Variants in CTNNA2 observed in about 807,000 individuals in gnomAD.
CTNNA2 encodes the protein catenin alpha-2.
In CTNNA2, 42 loss-of-function variants were observed where a neutral mutation model predicts 101.0. That is an observed-to-expected ratio of 0.42 (90% confidence interval 0.32 to 0.54). The LOEUF (loss-of-function observed/expected upper bound fraction) is 0.54, where lower values mean the gene tolerates loss of function less well. Among genes scored for constraint, CTNNA2 ranks in the 20% least tolerant of loss-of-function variants. The pLI, the probability that CTNNA2 is intolerant of heterozygous loss-of-function variation, is 0.14. For missense variants in CTNNA2, 871 were observed against 1,223.1 expected (o/e 0.71, Z 4.29); for synonymous variants, 450 against 456.4 (o/e 0.99, Z 0.18).
At chr2:80,642,728 G>T (rs1373430992) in intron 18 of CTNNA2, among the ~76,000 whole-genome samples, 2 of 152,192 alleles carry the variant, frequency 1.3e-5, no homozygotes, top group African/African-American at 4.8e-5. Flanking sequence ...GAAATATTCA[G>T]TTGATAACAT....
chr2:79,536,821 C>T (rs559909923), intron 1 of CTNNA2, among the ~76,000 whole-genome samples: 2 of 152,172 alleles, frequency 1.3e-5, no homozygotes, highest in Admixed American at 1.3e-4. Context: ...CCTGCCTCAG[C>T]CTCCCGAGTA....
At chr2:79,327,901 C>A (rs1676782631) in intron 3 of CTNNA2, among the ~76,000 whole-genome samples, 1 of 152,082 alleles carries the variant, frequency 6.6e-6, no homozygotes, top group African/African-American at 2.4e-5. Context: ...TCTGTGAAAT[C>A]AGAAGACTAG....
intron 7 of CTNNA2, among the ~76,000 whole-genome samples, chr2:80,024,686 G>C (rs1484020327): frequency 3.3e-5 from 5 of 152,176 alleles, no homozygotes; most frequent in Non-Finnish European, 7.4e-5. Context: ...GTGTTGCAAT[G>C]CTCTTTTAGC....
At position 80,057,209 on chromosome 2, in the gene CTNNA2, ACT is replaced by A. The variant is rs1457148659; in HGVS notation, c.1056+147415_1056+147416del. Among the ~76,000 whole-genome samples, 16 of 151,110 alleles carry A rather than the reference ACT, an allele frequency of 1.1e-4. No individual in the cohort carries two copies. The East Asian group carries it at 2.9e-3, about 28-fold the overall frequency. On this transcript the variant is annotated intron_variant, in intron 7 of 18. Coordinates refer to ENST00000402739, the MANE Select transcript of CTNNA2 (RefSeq NM_001282597.3). ...TTTTTTTAAGGAAGACTGAGACATAACTCTGTAGATTCAAGATTAGACCTCCC... is the reference window on the plus strand; with the variant it reads ...TTTTTTTAAGGAAGACTGAGACATAACTGTAGATTCAAGATTAGACCTCCC...
At chr2:79,837,682 T>A (rs995669527) in intron 3 of CTNNA2, among the ~76,000 whole-genome samples, 1 of 152,128 alleles carries the variant, frequency 6.6e-6, no homozygotes, top group Non-Finnish European at 1.5e-5. Flanking sequence ...ATTGTTATCT[T>A]TTTACTCCCT....
At chr2:79,779,274 G>A (rs1034013235) in intron 3 of CTNNA2, among the ~76,000 whole-genome samples, 2 of 152,136 alleles carry the variant, frequency 1.3e-5, no homozygotes, top group African/African-American at 2.4e-5. Flanking sequence ...GAAGCCTCCT[G>A]GAGTATCCAA....
chr2:80,213,861 T>A lies in CTNNA2; in HGVS notation c.1057-179350T>A, dbSNP rs535141715. 1.7e-3 allele frequency among the ~76,000 whole-genome samples: 258 copies of A among 152,250 alleles called. No homozygotes were observed. The Middle Eastern group carries it at 0.02, about 12-fold the overall frequency. On this transcript the variant is annotated intron_variant, in intron 7 of 18. Coordinates refer to ENST00000402739, the MANE Select transcript of CTNNA2 (RefSeq NM_001282597.3). The stretch of plus-strand genomic sequence containing the variant: ...TATGTGGGAGTCTAAGTCTCTTTGT[T>A]GGTCTCTAAGGACTTGCTTTATGAA...
chr2:79,884,709 T>G (rs1683706951), intron 6 of CTNNA2, among the ~76,000 whole-genome samples: 1 of 152,074 alleles, frequency 6.6e-6, no homozygotes, highest in Admixed American at 6.6e-5. Flanking sequence ...TGCCTTTACC[T>G]TCTTACATTT....
intron 4 of CTNNA2, among the ~76,000 whole-genome samples, chr2:79,482,339 A>G (rs546110660): frequency 6.6e-6 from 1 of 152,194 alleles, no homozygotes; most frequent in African/African-American, 2.4e-5. Flanking sequence ...GCACACAGGG[A>G]TGAAGGGTGC....
At chr2:80,274,276 C>T (rs1288444051) in intron 7 of CTNNA2, among the ~76,000 whole-genome samples, 1 of 152,142 alleles carries the variant, frequency 6.6e-6, no homozygotes, top group Non-Finnish European at 1.5e-5. Context: ...ATAATTCAGC[C>T]AGAGACTGTC....
intron 4 of CTNNA2, among the ~76,000 whole-genome samples, chr2:79,406,082 A>C (rs1390559035): frequency 6.6e-6 from 1 of 152,104 alleles, no homozygotes; most frequent in African/African-American, 2.4e-5. Context: ...GGTTAAGTTC[A>C]ACATGCTGCA....
chr2:80,323,837 A>G (rs1166878343), intron 7 of CTNNA2, among the ~76,000 whole-genome samples: 4 of 152,172 alleles, frequency 2.6e-5, no homozygotes, highest in Admixed American at 6.5e-5. Context: ...GTGGAGCAGG[A>G]TATTCCACCC....
chr2:79,965,566 G>C (rs778266256), intron 7 of CTNNA2, among the ~76,000 whole-genome samples: 37 of 152,188 alleles, frequency 2.4e-4, no homozygotes, highest in Admixed American at 5.2e-4. Context: ...GTTCACACCT[G>C]TAATCCCAGC....
chr2:79,859,981 G>A (rs1681463462), intron 4 of CTNNA2, among the ~76,000 whole-genome samples: 1 of 152,184 alleles, frequency 6.6e-6, no homozygotes, highest in South Asian at 2.1e-4. Context: ...GGCACAAAGT[G>A]AGTGTCCTGT....
At chr2:79,314,330 A>G (rs1317348000) in intron 3 of CTNNA2, among the ~76,000 whole-genome samples, 1 of 152,194 alleles carries the variant, frequency 6.6e-6, no homozygotes, top group Non-Finnish European at 1.5e-5. Flanking sequence ...TTGCCACACA[A>G]ACAGGACTGT....
At chr2:80,413,065 A>G (rs558571307) in intron 8 of CTNNA2, among the ~76,000 whole-genome samples, 68 of 152,310 alleles carry the variant, frequency 4.5e-4, no homozygotes, top group African/African-American at 1.6e-3. Flanking sequence ...CAAATCTACT[A>G]TAATTATCTA....
intron 3 of CTNNA2, among the ~76,000 whole-genome samples, chr2:79,800,669 G>C (rs776631951): frequency 6.2e-4 from 95 of 152,168 alleles, no homozygotes; most frequent in South Asian, 1.0e-3. Context: ...TCCAGCTCTA[G>C]AGGTATGTGA....
At chr2:80,066,438 T>TAGAC (rs1284356734) in intron 7 of CTNNA2, among the ~76,000 whole-genome samples, 1 of 151,700 alleles carries the variant, frequency 6.6e-6, no homozygotes, top group African/African-American at 2.4e-5. Context: ...AGGACTTGAA[T>TAGAC]AGACATTTCT....
At chr2:79,250,131 T>C (rs1286949617) in intron 2 of CTNNA2, among the ~76,000 whole-genome samples, 1 of 152,154 alleles carries the variant, frequency 6.6e-6, no homozygotes, top group African/African-American at 2.4e-5. Context: ...GGATTGTCTG[T>C]TTTAGCCTCT....
Sources: allele counts gnomAD v4.1 joint callset (sites outside exome capture counted in the v4.1 genomes callset), GRCh38; gene constraint gnomAD v4.1.1; transcripts MANE v1.5; gene names NCBI Gene and HGNC (gene_info 2026-07-23, HGNC 2026-07-21).